CD244: variants seen among roughly 807,000 people sequenced by gnomAD.
CD244 encodes CD244 molecule.
CD244 carries 20 observed loss-of-function variants against 45.5 expected under a neutral mutation model. That is an observed-to-expected ratio of 0.44 (90% CI 0.31 to 0.64). The LOEUF (loss-of-function observed/expected upper bound fraction) is 0.64, where lower values mean the gene tolerates loss of function less well. CD244 is among the 30% of genes least tolerant of loss of function. The pLI, the probability that CD244 is intolerant of heterozygous loss-of-function variation, is 0.08. For synonymous variants in CD244, 185 were observed against 160.5 expected (o/e 1.15, Z -1.15); for missense variants, 407 against 426.9 (o/e 0.95, Z 0.41).
chr1:160,860,674 A>T (rs1024885099), intron 1 of CD244, among the ~76,000 whole-genome samples: 2 of 152,244 alleles, frequency 1.3e-5, no homozygotes, highest in Non-Finnish European at 2.9e-5. Context: ...ATTTATACAC[A>T]CATATACATA....
chr1:160,836,385 G>C, intron 5 of CD244, 131 bp from the exon 6 acceptor site: 1 of 712,938 alleles, frequency 1.4e-6, no homozygotes, highest in Non-Finnish European at 2.5e-6. Context: ...GGACTGGGGA[G>C]AGTCATTGAT....
intron 1 of CD244, among the ~76,000 whole-genome samples, chr1:160,853,190 G>C (rs372911484): frequency 6.6e-6 from 1 of 152,150 alleles, no homozygotes; most frequent in African/African-American, 2.4e-5. Context: ...ACACAGCAAT[G>C]AAAAAGAAAA....
chr1:160,844,267 A>C (rs1669648865), intron 1 of CD244, among the ~76,000 whole-genome samples: 1 of 152,272 alleles, frequency 6.6e-6, no homozygotes, highest in Admixed American at 6.5e-5. Context: ...TAGAGACAAC[A>C]GAAACCAACA....
chr1:160,857,982 G>A (rs12040060), intron 1 of CD244, among the ~76,000 whole-genome samples: 35,463 of 151,862 alleles, frequency 0.23, 4,378 homozygotes, highest in East Asian at 0.4. Flanking sequence ...AGGAGGTCAA[G>A]GCTACAGTGA....
intron 6 of CD244, 115 bp from the exon 7 acceptor site, chr1:160,834,231 A>T (rs911479870): frequency 2.6e-6 from 2 of 764,356 alleles, no homozygotes; most frequent in Non-Finnish European, 4.5e-6. Flanking sequence ...TTCAAGTGTT[A>T]GTGAAAAGAG....
Position 160,841,831 on chromosome 1 carries a change from T to C in CD244, c.132A>G (p.Ile44Met), listed in dbSNP as rs140915491. ...ATGCAATGCTGTCAACCTTCGTCTG[T>C]ATGCTGTTTGGTTGTAACTGAAGAG... ...GVPLQLQPNS[I>M]QTKVDSIAWK... Residue 44 changes from isoleucine to methionine, a missense_variant, in exon 2 of 9, where the codon ATA becomes ATG. Ile to Met is a conservative substitution (Grantham distance 10). Coordinates refer to ENST00000368034, the MANE Select transcript of CD244 (RefSeq NM_016382.4). 2.9e-4 allele frequency: 473 copies of C among 1,614,022 alleles called. No homozygotes were observed. Among genetic ancestry groups the C allele is most frequent in the Non-Finnish European group, 3.5e-4 (411 of 1,180,010 alleles).
chr1:160,835,041 G>C (rs569912410), intron 6 of CD244, among the ~76,000 whole-genome samples: 3 of 152,132 alleles, frequency 2.0e-5, no homozygotes, highest in Non-Finnish European at 2.9e-5. Flanking sequence ...CTTATAATCA[G>C]ATTTTCTTTG....
At chr1:160,859,402 T>C (rs1237244985) in intron 1 of CD244, among the ~76,000 whole-genome samples, 1 of 151,940 alleles carries the variant, frequency 6.6e-6, no homozygotes, top group Non-Finnish European at 1.5e-5. Context: ...TGCTCAAGAG[T>C]TATATGCACA....
intron 5 of CD244, among the ~76,000 whole-genome samples, chr1:160,838,177 T>C (rs958081991): frequency 6.6e-6 from 1 of 152,186 alleles, no homozygotes; most frequent in African/African-American, 2.4e-5. Context: ...CTGTCATTGA[T>C]TTCTGTTGTG....
chr1:160,848,087 C>T (rs1258123962), intron 1 of CD244: 4 of 387,166 alleles, frequency 1.0e-5, no homozygotes, highest in Non-Finnish European at 2.0e-5. Flanking sequence ...GCTGTTTGCA[C>T]ATAAAGTTCC....
chr1:160,856,962 C>T (rs778329003), intron 1 of CD244, among the ~76,000 whole-genome samples: 2 of 152,152 alleles, frequency 1.3e-5, no homozygotes, highest in Non-Finnish European at 2.9e-5. Context: ...GAAATTCAAA[C>T]GTCACAACAG....
rs756637915 is a variant in CD244, at chr1:160,862,705, C to T, written c.-28G>A. 2 of 1,607,934 alleles carry T rather than the reference C, an allele frequency of 1.2e-6. No individual in the cohort carries two copies. The highest frequency in any genetic ancestry group is 1.7e-6 in the Non-Finnish European group (2 of 1,175,398). On this transcript the variant is annotated 5_prime_UTR_variant, in exon 1 of 9. Transcript: ENST00000368034. ...CCACAGGACAGAGGGGCCAGGCCAG[C>T]CCCTCCACCCCACCAGACTCTCTGC...
chr1:160,850,347 A>G (rs1233935087), intron 1 of CD244, among the ~76,000 whole-genome samples: 1 of 152,148 alleles, frequency 6.6e-6, no homozygotes, highest in African/African-American at 2.4e-5. Context: ...AGGAGACTAT[A>G]CCATGGTTTT....
At chr1:160,837,935 G>T (rs913154390) in intron 5 of CD244, among the ~76,000 whole-genome samples, 1 of 152,224 alleles carries the variant, frequency 6.6e-6, no homozygotes, top group Non-Finnish European at 1.5e-5. Flanking sequence ...TACTCAGGCT[G>T]GTGGGCTTTG....
intron 8 of CD244, among the ~76,000 whole-genome samples, chr1:160,832,075 A>C (rs1386643315): frequency 6.6e-6 from 1 of 152,184 alleles, no homozygotes; most frequent in Non-Finnish European, 1.5e-5. Flanking sequence ...CTCAGTGGTC[A>C]TCTCTGAACA....
intron 8 of CD244, 53 bp from the exon 9 acceptor site, chr1:160,831,480 C>G: frequency 7.9e-7 from 1 of 1,270,726 alleles, no homozygotes; most frequent in Non-Finnish European, 1.1e-6. Context: ...GTCCTTATCA[C>G]AATCCTGTGA....
intron 3 of CD244, among the ~76,000 whole-genome samples, chr1:160,839,389 G>A (rs745483435): frequency 3.9e-5 from 6 of 152,074 alleles, no homozygotes; most frequent in Non-Finnish European, 7.4e-5. Context: ...AGGGGATAAC[G>A]TTATCTACCT....
chr1:160,841,655 C>T lies in CD244; in HGVS notation c.308G>A (p.Gly103Asp), dbSNP rs1454525449. 5.0e-6 allele frequency: 8 copies of T among 1,613,990 alleles called. No individual in the cohort carries two copies. Among genetic ancestry groups the T allele is most frequent in the African/African-American group, 1.3e-5 (1 of 74,922 alleles). The change falls in exon 2 of 9, where the codon GGC (glycine) becomes GAC (aspartate). Residue 103 changes from glycine to aspartate, a missense_variant. Coordinates refer to ENST00000368034, the MANE Select transcript of CD244 (RefSeq NM_016382.4). Reference protein sequence around the residue: ...LIKAAQQQDSGLYCLEVTSIS... With the variant: ...LIKAAQQQDSDLYCLEVTSIS... ...ACTGGTGACCTCCAGGCAGTAGAGG[C>T]CACTGTCCTGCTGCTGAGCTGCCTT...
Position 160,830,420 on chromosome 1 carries a change from A to G in CD244, c.*927T>C, listed in dbSNP as rs994957524. On this transcript the variant is annotated 3_prime_UTR_variant, in exon 9 of 9. Coordinates refer to ENST00000368034, the MANE Select transcript of CD244 (RefSeq NM_016382.4). ...GGCCTGACGACTCAGGGAACCCAGC[A>G]TAGTGTCTAGATTCCAACTGCCTCA... 1.3e-5 allele frequency: 2 copies of G among 152,398 alleles called. No individual in the cohort carries two copies. Among genetic ancestry groups the G allele is most frequent in the African/African-American group, 2.4e-5 (1 of 41,438 alleles). The allele number at this position is 152,398 out of a possible 1,614,324, so 9.4% of individuals were successfully genotyped here.
Sources: gnomAD v4.1 joint callset for allele counts (sites outside exome capture counted in the v4.1 genomes callset) on GRCh38, gnomAD v4.1.1 for gene constraint, MANE v1.5 for transcripts, NCBI Gene and HGNC (gene_info 2026-07-23, HGNC 2026-07-21) for gene names.